NELL1: variants seen among roughly 807,000 people sequenced by gnomAD.
NELL1 encodes the protein protein kinase C-binding protein NELL1.
NELL1 carries 76 observed loss-of-function variants against 107.4 expected under a neutral mutation model. The ratio of observed to expected loss-of-function variants is 0.71; its 90% CI spans 0.59 to 0.86. The LOEUF (loss-of-function observed/expected upper bound fraction) is 0.86. NELL1 is among the 40% of genes least tolerant of loss of function. The pLI, the probability that NELL1 is intolerant of heterozygous loss-of-function variation, is 0.00. For synonymous variants in NELL1, 353 were observed against 341.2 expected (o/e 1.03, Z -0.38); for missense variants, 1,024 against 1,005.5 (o/e 1.02, Z -0.25).
chr11:20,844,439 G>A (rs1278750032), intron 3 of NELL1, among the ~76,000 whole-genome samples: 2 of 152,190 alleles, frequency 1.3e-5, no homozygotes, highest in Non-Finnish European at 2.9e-5. Context: ...CTAAGGGCTT[G>A]CAAAATCTTT....
rs529249224 is a variant in NELL1 at position 21,055,943 on chromosome 11, T to C, written c.1301-57646T>C. Among the ~76,000 whole-genome samples the C allele has an allele frequency of 5.3e-5, 8 of 152,314 alleles. No individual in the cohort carries two copies. The South Asian group carries it at 1.7e-3, about 32-fold the overall frequency. On this transcript the variant is annotated intron_variant, in intron 12 of 19. Coordinates refer to ENST00000357134, the MANE Select transcript of NELL1 (RefSeq NM_006157.5). ...CAGCAATATTGACTTCCACTCTGTA[T>C]ACTTTGGAGTATTATAATATCTAGG...
chr11:21,299,064 T>C (rs920824602), intron 14 of NELL1, among the ~76,000 whole-genome samples: 1 of 151,984 alleles, frequency 6.6e-6, no homozygotes, highest in Admixed American at 6.6e-5. Flanking sequence ...GGAAAAAGCT[T>C]AAAATTCACA....
At chr11:20,827,528 G>A (rs1197728552) in intron 3 of NELL1, among the ~76,000 whole-genome samples, 4 of 151,210 alleles carry the variant, frequency 2.6e-5, no homozygotes, top group South Asian at 2.1e-4. Context: ...TGTCCACTTC[G>A]TCATTCTTCC....
At chr11:20,871,225 A>G (rs913397461) in intron 4 of NELL1, among the ~76,000 whole-genome samples, 1 of 152,192 alleles carries the variant, frequency 6.6e-6, no homozygotes, top group Non-Finnish European at 1.5e-5. Flanking sequence ...ACTGAAACCA[A>G]GTGGAACCAA....
At chr11:21,048,515 T>C (rs756779205) in intron 12 of NELL1, among the ~76,000 whole-genome samples, 3 of 152,180 alleles carry the variant, frequency 2.0e-5, no homozygotes, top group Non-Finnish European at 4.4e-5. Context: ...TGTAACCATG[T>C]TCCCTTGCTT....
chr11:21,007,587 C>CT (rs1368571555), intron 12 of NELL1, among the ~76,000 whole-genome samples: 2 of 151,906 alleles, frequency 1.3e-5, no homozygotes, highest in East Asian at 3.9e-4. Context: ...TCTTCTCACT[C>CT]TAAGATTTCT....
intron 11 of NELL1, among the ~76,000 whole-genome samples, chr11:20,953,801 G>A (rs1476939734): frequency 6.6e-6 from 1 of 152,094 alleles, no homozygotes; most frequent in African/African-American, 2.4e-5. Context: ...ATTGTGTTAG[G>A]TTTCTTCTCT....
At chr11:20,991,698 C>T (rs896772285) in intron 12 of NELL1, among the ~76,000 whole-genome samples, 2 of 152,172 alleles carry the variant, frequency 1.3e-5, no homozygotes, top group South Asian at 2.1e-4. Context: ...TGCCTCCTGG[C>T]GCTGATCCTG....
chr11:21,099,797 A>G (rs1304426118), intron 12 of NELL1, among the ~76,000 whole-genome samples: 1 of 152,170 alleles, frequency 6.6e-6, no homozygotes, highest in African/African-American at 2.4e-5. Flanking sequence ...GCTATGTGAC[A>G]TTCAGCTACT....
At chr11:20,817,085 T>C (rs1190896831) in intron 3 of NELL1, among the ~76,000 whole-genome samples, 8 of 152,166 alleles carry the variant, frequency 5.3e-5, no homozygotes, top group African/African-American at 1.9e-4. Flanking sequence ...ATCAGTGATA[T>C]TGGCCTGTAG....
chr11:21,367,231 A>G (rs1851244467), intron 14 of NELL1, among the ~76,000 whole-genome samples: 1 of 150,344 alleles, frequency 6.7e-6, no homozygotes, highest in Non-Finnish European at 1.5e-5. Context: ...AACAAATGGC[A>G]CTATAATGAC....
intron 12 of NELL1, among the ~76,000 whole-genome samples, chr11:21,045,775 T>G (rs1378220523): frequency 6.6e-6 from 1 of 152,182 alleles, no homozygotes; most frequent in Non-Finnish European, 1.5e-5. Flanking sequence ...TGAAATTAAA[T>G]TAAACATATA....
At chr11:21,450,175 C>G (rs928462717) in intron 15 of NELL1, among the ~76,000 whole-genome samples, 1 of 152,128 alleles carries the variant, frequency 6.6e-6, no homozygotes, top group Non-Finnish European at 1.5e-5. Flanking sequence ...TTCATTTTTA[C>G]AAAATAAAAT....
At chr11:21,436,496 A>G (rs1853125505) in intron 15 of NELL1, among the ~76,000 whole-genome samples, 1 of 151,874 alleles carries the variant, frequency 6.6e-6, no homozygotes, top group Non-Finnish European at 1.5e-5. Flanking sequence ...AATGTCTCTT[A>G]TTTCATTTCT....
chr11:21,498,489 T>A (rs1855047017), intron 15 of NELL1, among the ~76,000 whole-genome samples: 1 of 150,964 alleles, frequency 6.6e-6, no homozygotes, highest in East Asian at 2.1e-4. Context: ...TACATAGTTC[T>A]GATAATTTTT....
intron 12 of NELL1, among the ~76,000 whole-genome samples, chr11:21,056,984 A>C (rs1055603155): frequency 2.6e-5 from 4 of 152,034 alleles, no homozygotes; most frequent in African/African-American, 9.7e-5. Flanking sequence ...AAAAACAAAA[A>C]AAATGAAGAA....
chr11:21,417,021 A>G (rs574432738), intron 15 of NELL1, among the ~76,000 whole-genome samples: 10 of 152,226 alleles, frequency 6.6e-5, no homozygotes, highest in African/African-American at 2.2e-4. Flanking sequence ...GAAGTCCACA[A>G]CTGGTGTCAG....
At chr11:21,282,423 T>G (rs974221045) in intron 14 of NELL1, among the ~76,000 whole-genome samples, 4 of 143,636 alleles carry the variant, frequency 2.8e-5, no homozygotes, top group African/African-American at 1.1e-4. Context: ...GAGGTTGTAG[T>G]GAGCTGACAT....
chr11:21,089,183 T>G (rs1321406631), intron 12 of NELL1, among the ~76,000 whole-genome samples: 2 of 152,208 alleles, frequency 1.3e-5, no homozygotes, highest in Non-Finnish European at 2.9e-5. Flanking sequence ...GTGTCTATCC[T>G]GAGCCAATAG....
Sources: allele counts gnomAD v4.1 joint callset (sites outside exome capture counted in the v4.1 genomes callset), GRCh38; gene constraint gnomAD v4.1.1; transcripts MANE v1.5; gene names NCBI Gene and HGNC (gene_info 2026-07-23, HGNC 2026-07-21).